KAZN: variants seen among roughly 807,000 people sequenced by gnomAD.
KAZN encodes the protein kazrin, periplakin interacting protein, also known as kazrin.
A neutral mutation model predicts 87.4 loss-of-function variants in KAZN; 40 were observed. The ratio of observed to expected loss-of-function variants is 0.46; its 90% CI spans 0.36 to 0.60. The LOEUF (loss-of-function observed/expected upper bound fraction) is 0.60. Ranked by LOEUF, KAZN falls within the 20% of genes least tolerant of loss-of-function variation. The pLI, the probability that KAZN is intolerant of heterozygous loss-of-function variation, is 0.00. For missense variants in KAZN, 898 were observed against 1,073.9 expected (o/e 0.84, Z 2.29); for synonymous variants, 466 against 458.3 (o/e 1.02, Z -0.22).
intron 2 of KAZN, among the ~76,000 whole-genome samples, chr1:14,212,794 T>C (rs745729445): frequency 1.3e-5 from 2 of 152,212 alleles, no homozygotes; most frequent in Admixed American, 6.5e-5. Context: ...TTATGAATCT[T>C]GTCCTCAAAA....
chr1:14,193,300 TC>T (rs2100369474), intron 2 of KAZN, among the ~76,000 whole-genome samples: 2 of 152,218 alleles, frequency 1.3e-5, no homozygotes, highest in South Asian at 4.1e-4. Context: ...TACACTGGTG[TC>T]TTTATAAAAA....
chr1:14,397,173 G>A (rs554514421), intron 2 of KAZN, among the ~76,000 whole-genome samples: 1 of 152,264 alleles, frequency 6.6e-6, no homozygotes, highest in African/African-American at 2.4e-5. Flanking sequence ...TACAGGTGAT[G>A]TATATTTTCT....
chr1:14,378,824 T>C (rs962265648), intron 2 of KAZN, among the ~76,000 whole-genome samples: 1 of 151,924 alleles, frequency 6.6e-6, no homozygotes, highest in South Asian at 2.1e-4. Flanking sequence ...GCCACAAAGA[T>C]TGAAACTCCT....
chr1:14,699,741 G>A (rs995790797), intron 1 of KAZN, among the ~76,000 whole-genome samples: 36 of 152,156 alleles, frequency 2.4e-4, no homozygotes, highest in Middle Eastern at 3.2e-3. Context: ...ATGTTTGACA[G>A]CCATCTCTTC....
In KAZN at chr1:14,923,119, A is replaced by G. The variant is rs1658728048; in HGVS notation, c.227-37565A>G. Reference sequence around the variant, plus strand: ...AGTGGGAGCCTCAGATTATAGAGCCAAGCCTGGGCAGGGTAAGGTTGCTAG... The same window carrying G: ...AGTGGGAGCCTCAGATTATAGAGCCGAGCCTGGGCAGGGTAAGGTTGCTAG... On this transcript the variant is annotated intron_variant, in intron 1 of 14. Transcript: ENST00000376030. The surrounding 1 kb of genome is among the most constrained non-coding windows in gnomAD (Gnocchi z 4.2). Among the ~76,000 whole-genome samples, 3 of 152,186 alleles carry G rather than the reference A, an allele frequency of 2.0e-5. No homozygotes were observed. The highest frequency in any genetic ancestry group is 1.3e-4 in the Admixed American group (2 of 15,282).
chr1:14,444,680 C>A (rs1452769494), intron 2 of KAZN, among the ~76,000 whole-genome samples: 1 of 152,098 alleles, frequency 6.6e-6, no homozygotes, highest in Non-Finnish European at 1.5e-5. Context: ...AATCGGGGTT[C>A]TTCAGTGGAT....
intron 2 of KAZN, among the ~76,000 whole-genome samples, chr1:14,274,033 G>T (rs1652158272): frequency 6.6e-6 from 1 of 152,158 alleles, no homozygotes. Context: ...TCCTATTTAT[G>T]TGTTTCTTTC....
Position 14,514,593 on chromosome 1 carries a change from TTTTA to T in KAZN, c.250-84388_250-84385del, listed in dbSNP as rs1192789345. On this transcript the variant is annotated intron_variant, in intron 2 of 16. Coordinates refer to the KAZN transcript ENST00000636203. ...TATATATTTTATATATTTTTTTATA[TTTTA>T]TATATATATATATATATATATATAT... Among the ~76,000 whole-genome samples, 7 of 28,272 alleles carry T rather than the reference TTTTA, an allele frequency of 2.5e-4. No homozygotes were observed. The East Asian group carries it at 2.6e-3, about 10-fold the overall frequency. 18.5% of individuals were successfully genotyped at this position (28,272 alleles called of 152,430 possible). A position where few individuals can be genotyped will look rare whatever the true frequency, so the allele number is the denominator to read the frequency against.
chr1:13,960,806 C>T (rs1227014364), intron 1 of KAZN, among the ~76,000 whole-genome samples: 2 of 152,090 alleles, frequency 1.3e-5, no homozygotes, highest in African/African-American at 2.4e-5. Flanking sequence ...TCCAGGCCTT[C>T]GGAAAACCCT....
intron 1 of KAZN, among the ~76,000 whole-genome samples, chr1:14,836,198 C>A (rs1254927128): frequency 6.6e-6 from 1 of 152,168 alleles, no homozygotes; most frequent in African/African-American, 2.4e-5. Context: ...TCGCTAAAGA[C>A]TCCAGGTCCC....
intron 2 of KAZN, among the ~76,000 whole-genome samples, chr1:14,364,345 G>A (rs192136058): frequency 6.6e-6 from 1 of 152,238 alleles, no homozygotes; most frequent in African/African-American, 2.4e-5. Context: ...CAAAATGGGG[G>A]TAATTATAGC....
intron 2 of KAZN, among the ~76,000 whole-genome samples, chr1:15,034,339 C>T (rs1026931803): frequency 2.6e-5 from 4 of 152,202 alleles, no homozygotes; most frequent in Non-Finnish European, 4.4e-5. Context: ...TTGGGCTGGA[C>T]TGAGTGGTTC....
chr1:14,963,035 G>A (rs1664070285), intron 2 of KAZN, among the ~76,000 whole-genome samples: 1 of 150,682 alleles, frequency 6.6e-6, no homozygotes, highest in Admixed American at 6.6e-5. Flanking sequence ...TGTCTGGAAA[G>A]GTGATAGTTA....
At chr1:14,883,344 A>AGAGAGGG (rs1557586164) in intron 1 of KAZN, among the ~76,000 whole-genome samples, 11 of 29,682 alleles carry the variant, frequency 3.7e-4, no homozygotes, top group African/African-American at 9.6e-4. Flanking sequence ...GAGAGAGAGA[A>AGAGAGGG]AGAAAGAAAG....
At chr1:14,339,867 C>T (rs768853644) in intron 2 of KAZN, among the ~76,000 whole-genome samples, 80 of 152,294 alleles carry the variant, frequency 5.3e-4, no homozygotes, top group Non-Finnish European at 1.0e-3. Flanking sequence ...CCTGAAAATA[C>T]AGCCTTTCCC....
chr1:14,262,073 T>G (rs1455791564), intron 2 of KAZN, among the ~76,000 whole-genome samples: 5 of 152,146 alleles, frequency 3.3e-5, no homozygotes, highest in South Asian at 4.2e-4. Context: ...ATGATGCAAA[T>G]TTTTAGAATT....
At chr1:14,182,589 T>C (rs892834506) in intron 2 of KAZN, among the ~76,000 whole-genome samples, 1 of 152,144 alleles carries the variant, frequency 6.6e-6, no homozygotes, top group African/African-American at 2.4e-5. Context: ...CTCAGATGAG[T>C]GTTGCCAAGC....
chr1:14,406,139 G>C (rs1005129825), intron 2 of KAZN, among the ~76,000 whole-genome samples: 3 of 152,086 alleles, frequency 2.0e-5, no homozygotes. Flanking sequence ...ATGCTTGATG[G>C]GATGGATACC....
chr1:14,611,452 C>T lies in KAZN; in HGVS notation c.226+12229C>T, dbSNP rs578204148. Among the ~76,000 whole-genome samples, 12 of 152,160 alleles carry T rather than the reference C, an allele frequency of 7.9e-5. No individual in the cohort carries two copies. In the South Asian group the frequency reaches 8.3e-4, roughly 11 times the overall value. On this transcript the variant is annotated intron_variant, in intron 1 of 14. Transcript: ENST00000376030. ...AAATGCATAAGATTATGCACCCTCC[C>T]GAGGTGGGAGGATTGCTTGAGCCCA...
Sources: gnomAD v4.1 joint callset for allele counts (sites outside exome capture counted in the v4.1 genomes callset) on GRCh38, gnomAD v4.1.1 for gene constraint, Gnocchi (gnomAD v3.1) non-coding constraint, MANE v1.5 for transcripts, NCBI Gene and HGNC (gene_info 2026-07-23, HGNC 2026-07-21) for gene names.